CCSER1: variants seen among roughly 807,000 people sequenced by gnomAD.
The protein encoded by CCSER1 is coiled-coil serine rich protein 1.
CCSER1 carries 41 observed loss-of-function variants against 82.0 expected under a neutral mutation model. The ratio of observed to expected loss-of-function variants is 0.50; its 90% CI spans 0.39 to 0.65. The LOEUF is 0.65. CCSER1 is among the 30% of genes least tolerant of loss of function. The pLI is 0.00. For synonymous variants in CCSER1, 414 were observed against 383.9 expected (o/e 1.08, Z -0.92); for missense variants, 1,119 against 1,064.2 (o/e 1.05, Z -0.72).
At chr4:91,512,222 G>C (rs1413137135) in intron 10 of CCSER1, among the ~76,000 whole-genome samples, 2 of 152,144 alleles carry the variant, frequency 1.3e-5, no homozygotes, top group Non-Finnish European at 2.9e-5. Context: ...AGCGCACTGG[G>C]AGACACAGAC....
intron 10 of CCSER1, among the ~76,000 whole-genome samples, chr4:91,291,284 C>A (rs1481741151): frequency 1.3e-5 from 2 of 151,786 alleles, no homozygotes; most frequent in Non-Finnish European, 2.9e-5. Flanking sequence ...GCAGTTAGGG[C>A]CCATTGATAT....
chr4:91,131,653 T>C (rs185701328), intron 10 of CCSER1, among the ~76,000 whole-genome samples: 35 of 152,188 alleles, frequency 2.3e-4, no homozygotes, highest in African/African-American at 7.5e-4. Context: ...TTGATCTAGA[T>C]AGGTAGATAG....
At chr4:91,165,854 G>T (rs561462766) in intron 10 of CCSER1, among the ~76,000 whole-genome samples, 1 of 152,184 alleles carries the variant, frequency 6.6e-6, no homozygotes, top group African/African-American at 2.4e-5. Context: ...CCCTTGGCTC[G>T]GAAAGGGAAA....
At chr4:91,460,544 G>T (rs910644804) in intron 10 of CCSER1, among the ~76,000 whole-genome samples, 2 of 152,168 alleles carry the variant, frequency 1.3e-5, no homozygotes, top group Non-Finnish European at 2.9e-5. Flanking sequence ...AGTCTAGCTA[G>T]TCTGAGTCTT....
intron 9 of CCSER1, among the ~76,000 whole-genome samples, chr4:90,997,581 A>G (rs912815045): frequency 2.0e-5 from 3 of 152,150 alleles, no homozygotes; most frequent in Admixed American, 6.5e-5. Context: ...CTTACTACAT[A>G]TAGTAGGTGC....
intron 6 of CCSER1, among the ~76,000 whole-genome samples, chr4:90,638,937 T>G (rs1725970316): frequency 6.6e-6 from 1 of 152,118 alleles, no homozygotes; most frequent in Non-Finnish European, 1.5e-5. Context: ...GTAAGTTGAT[T>G]AATGTTTTCT....
intron 5 of CCSER1, among the ~76,000 whole-genome samples, chr4:90,577,419 AT>A (rs978075817): frequency 6.6e-6 from 1 of 151,956 alleles, no homozygotes; most frequent in Non-Finnish European, 1.5e-5. Context: ...TAGTTGAGGG[AT>A]TTTTTGTTTT....
chr4:91,311,694 G>A (rs1578172722), intron 10 of CCSER1, among the ~76,000 whole-genome samples: 1 of 151,810 alleles, frequency 6.6e-6, no homozygotes, highest in Non-Finnish European at 1.5e-5. Context: ...AGTGAGACTT[G>A]TCTATAGGTC....
chr4:90,263,973 C>A (rs1159660307), intron 1 of CCSER1, among the ~76,000 whole-genome samples: 1 of 152,150 alleles, frequency 6.6e-6, no homozygotes, highest in East Asian at 1.9e-4. Flanking sequence ...AGCACAGACC[C>A]CCCTAACTTT....
rs1287153839 is a variant in CCSER1 at position 91,556,005 on chromosome 4, A to G, written c.2218-42567A>G. Among the ~76,000 whole-genome samples the G allele has an allele frequency of 2.0e-5, 3 of 151,366 alleles. No homozygotes were observed. In the East Asian group the frequency reaches 5.8e-4, roughly 29 times the overall value. The stretch of plus-strand genomic sequence containing the variant: ...TGTAGATGCAAAAATAGAAGTTTCA[A>G]TGGCATTAATATGATGATAAATACT... On this transcript the variant is annotated intron_variant, in intron 10 of 10. Transcript: ENST00000509176.
rs535556050 is a variant in CCSER1, at chr4:90,202,482, C to T, written c.-42+74651C>T. ...CCTCCCAGAGTGCTGGAATTATAGG[C>T]ATGAGCCACTGTGACCCGCCGTAAA... On this transcript the variant is annotated intron_variant, in intron 1 of 10. Transcript: ENST00000509176. Among the ~76,000 whole-genome samples, 6 of 152,252 alleles carry T rather than the reference C, an allele frequency of 3.9e-5. No homozygotes were observed. The East Asian group carries it at 9.6e-4, about 24-fold the overall frequency.
intron 5 of CCSER1, among the ~76,000 whole-genome samples, chr4:90,566,603 C>CTTTTT (rs71596531): frequency 7.3e-6 from 1 of 136,786 alleles, no homozygotes; most frequent in Non-Finnish European, 1.6e-5. Flanking sequence ...TCACAATTAC[C>CTTTTT]TTTTTTTTTT....
chr4:90,442,732 T>C (rs1760070603), intron 4 of CCSER1, among the ~76,000 whole-genome samples: 1 of 152,214 alleles, frequency 6.6e-6, no homozygotes, highest in Non-Finnish European at 1.5e-5. Context: ...TTAGCCCATA[T>C]AAAATCAGTG....
At chr4:90,132,693 G>A (rs1723009050) in intron 1 of CCSER1, among the ~76,000 whole-genome samples, 1 of 152,114 alleles carries the variant, frequency 6.6e-6, no homozygotes, top group Admixed American at 6.5e-5. Flanking sequence ...ATTGTTAAAA[G>A]ATTTCTGCTC....
chr4:91,535,948 T>C (rs1041687225), intron 10 of CCSER1, among the ~76,000 whole-genome samples: 2 of 152,086 alleles, frequency 1.3e-5, no homozygotes, highest in Admixed American at 6.6e-5. Context: ...CCTTTTGTCC[T>C]CTCTTCTCTT....
intron 10 of CCSER1, among the ~76,000 whole-genome samples, chr4:91,572,399 A>G (rs888090518): frequency 1.3e-5 from 2 of 152,042 alleles, no homozygotes; most frequent in Non-Finnish European, 2.9e-5. Flanking sequence ...GTGAGGAGGA[A>G]TGGGATCAGG....
At chr4:91,352,544 G>C (rs537568581) in intron 10 of CCSER1, among the ~76,000 whole-genome samples, 1 of 152,180 alleles carries the variant, frequency 6.6e-6, no homozygotes, top group Non-Finnish European at 1.5e-5. Context: ...GTGCCCGGCA[G>C]GAAGATTTAT....
intron 5 of CCSER1, among the ~76,000 whole-genome samples, chr4:90,503,902 G>A (rs539783030): frequency 1.6e-4 from 25 of 151,760 alleles, no homozygotes; most frequent in Non-Finnish European, 3.4e-4. Context: ...TAGACTTTTT[G>A]ACTTATCGTA....
rs143938601 is a variant in CCSER1, at chr4:91,311,014, A to G, written c.2217+225020A>G. On this transcript the variant is annotated intron_variant, in intron 10 of 10. Transcript: ENST00000509176. ...ACTTTTAAAATAGACCTGCTTATGT[A>G]TAACTATTTCTGATTGATTAAACTA... Among the ~76,000 whole-genome samples the G allele has an allele frequency of 3.2e-3, 485 of 152,102 alleles. 1 individual carries two copies. The highest frequency in any genetic ancestry group is 0.011 in the African/African-American group (440 of 41,544).
Sources: gnomAD v4.1 joint callset for allele counts (sites outside exome capture counted in the v4.1 genomes callset) on GRCh38, gnomAD v4.1.1 for gene constraint, MANE v1.5 for transcripts, NCBI Gene and HGNC (gene_info 2026-07-23, HGNC 2026-07-21) for gene names.